The following PCDHA4 variants were observed in gnomAD, a reference collection of about 807,000 sequenced individuals.
PCDHA4 encodes the protein protocadherin alpha 4.
Under a neutral mutation model 61.4 loss-of-function variants are expected in PCDHA4, and 49 were observed. That is an observed-to-expected ratio of 0.80 (90% confidence interval 0.63 to 1.01). The LOEUF is 1.01. Among genes scored for constraint, PCDHA4 ranks in the 50% least tolerant of loss-of-function variants. The pLI, the probability that PCDHA4 is intolerant of heterozygous loss-of-function variation, is 0.00. For synonymous variants in PCDHA4, 590 were observed against 550.3 expected (o/e 1.07, Z -1.01); for missense variants, 1,254 against 1,235.8 (o/e 1.01, Z -0.22).
chr5:140,968,637 T>C, intron 1 of PCDHA4: 1 of 1,614,208 alleles, frequency 6.2e-7, no homozygotes. Flanking sequence ...TTTTACCATC[T>C]AGCCCAGACT....
intron 1 of PCDHA4, among the ~76,000 whole-genome samples, chr5:140,903,428 T>C (rs954463543): frequency 2.0e-5 from 3 of 152,210 alleles, no homozygotes; most frequent in Non-Finnish European, 4.4e-5. Flanking sequence ...CAGCACAATA[T>C]GTATCAGTGG....
At chr5:140,961,984 C>T (rs1037951528) in intron 1 of PCDHA4, among the ~76,000 whole-genome samples, 69 of 151,884 alleles carry the variant, frequency 4.5e-4, no homozygotes, top group African/African-American at 1.5e-3. Context: ...CCTGGGTTCA[C>T]GCCATTGTCC....
chr5:140,808,301 A>G lies in PCDHA4; in HGVS notation c.1114A>G (p.Ile372Val), dbSNP rs782259868. 1.2e-6 allele frequency: 2 copies of G among 1,614,240 alleles called. No homozygotes were observed. The highest frequency in any genetic ancestry group is 2.2e-5 in the South Asian group (2 of 91,090). Reference sequence around the variant, plus strand: ...TCCACTGGGTACAGTCATCGCCCTGATCAGCGTGTCCGACAAAGACATGGG... The same window carrying G: ...TCCACTGGGTACAGTCATCGCCCTGGTCAGCGTGTCCGACAAAGACATGGG... ...DAPLGTVIAL[I>V]SVSDKDMGVN... is the part of the protein sequence containing the mutation. Residue 372 changes from isoleucine (I) to valine (V), a missense_variant, in exon 1 of 4, where the codon ATC (isoleucine) becomes GTC (valine). Transcript: ENST00000530339.
intron 1 of PCDHA4, among the ~76,000 whole-genome samples, chr5:140,846,079 G>A (rs1024607553): frequency 1.3e-5 from 2 of 149,824 alleles, no homozygotes; most frequent in South Asian, 2.1e-4. Flanking sequence ...TTTTGGAAAG[G>A]TTAAAGTCCT....
At chr5:140,943,630 T>C (rs1224015760) in intron 1 of PCDHA4, among the ~76,000 whole-genome samples, 1 of 152,130 alleles carries the variant, frequency 6.6e-6, no homozygotes, top group Non-Finnish European at 1.5e-5. Flanking sequence ...ATAAGGAAGC[T>C]GGATTATGGA....
At chr5:140,830,240 C>T (rs2150183319) in intron 1 of PCDHA4, 2 of 1,613,944 alleles carry the variant, frequency 1.2e-6, no homozygotes, top group Non-Finnish European at 1.7e-6. Flanking sequence ...CACGCTACTG[C>T]TGTACACAGC....
chr5:140,866,808 G>C (rs995846650), intron 1 of PCDHA4: 1 of 152,114 alleles, frequency 6.6e-6, no homozygotes, highest in East Asian at 1.9e-4. Context: ...CAGGCACAAA[G>C]TTCCTTAATC....
At chr5:140,853,680 C>CTATCCTTAGACCTGCTAACGCATTAGCAT in intron 1 of PCDHA4, 1 of 988,078 alleles carries the variant, frequency 1.0e-6, no homozygotes, top group South Asian at 4.7e-5. Context: ...TATGGTCAAC[C>CTATCCTTAGACCTGCTAACGCATTAGCAT]TATCCTTAGA....
intron 1 of PCDHA4, chr5:140,884,134 C>A: frequency 6.2e-6 from 10 of 1,613,442 alleles, no homozygotes; most frequent in Non-Finnish European, 7.6e-6. Context: ...GCATCCCGTT[C>A]CGCGTGGGGC....
intron 1 of PCDHA4, among the ~76,000 whole-genome samples, chr5:140,943,089 T>C (rs2093417033): frequency 6.6e-6 from 1 of 151,612 alleles, no homozygotes; most frequent in African/African-American, 2.4e-5. Flanking sequence ...AAATCCTGCC[T>C]CTACTAAAAA....
intron 1 of PCDHA4, among the ~76,000 whole-genome samples, chr5:140,960,218 A>G (rs2095532618): frequency 6.6e-6 from 1 of 152,206 alleles, no homozygotes; most frequent in Non-Finnish European, 1.5e-5. Flanking sequence ...CAGGATCTCA[A>G]GAAACAGAGC....
At chr5:140,945,125 T>G (rs405192) in intron 1 of PCDHA4, among the ~76,000 whole-genome samples, 86,337 of 151,830 alleles carry the variant, frequency 0.57, 25,231 homozygotes, top group African/African-American at 0.71. Flanking sequence ...AAAAATCAAC[T>G]TACAAAAATC....
chr5:140,834,789 A>G lies in PCDHA4; in HGVS notation c.2385+25217A>G, dbSNP rs1164245907. 4 of 1,613,586 alleles carry G rather than the reference A, an allele frequency of 2.5e-6. No homozygotes were observed. The African/African-American group carries it at 5.3e-5, about 22-fold the overall frequency. Reference sequence around the variant, plus strand: ...CGACAACCCTCCGGTGTTCCCAGCGACACAAAGGAATCTGTTCATCGCGGA... The same window carrying G: ...CGACAACCCTCCGGTGTTCCCAGCGGCACAAAGGAATCTGTTCATCGCGGA... On this transcript the variant is annotated intron_variant, in intron 1 of 3. Coordinates refer to ENST00000530339, the MANE Select transcript of PCDHA4 (RefSeq NM_018907.4).
chr5:141,004,178 T>G (rs527276653), intron 3 of PCDHA4, among the ~76,000 whole-genome samples: 2 of 152,372 alleles, frequency 1.3e-5, no homozygotes, highest in South Asian at 2.1e-4. Flanking sequence ...CCAAGTGTCT[T>G]GAGTGCTCTT....
At chr5:140,822,545 G>A in intron 1 of PCDHA4, 1 of 1,613,682 alleles carries the variant, frequency 6.2e-7, no homozygotes. Context: ...GCACCAAGTG[G>A]GACATTAGTT....
rs1417036031 is a variant in PCDHA4, at chr5:140,855,830, G to A, written c.2385+46258G>A. On this transcript the variant is annotated intron_variant, in intron 1 of 3. Coordinates refer to ENST00000530339, the MANE Select transcript of PCDHA4 (RefSeq NM_018907.4). Reference sequence around the variant, plus strand: ...AGAAAAGTTGTGAACTCATGGAATCGTACTTACACCTAAAGCCACCGGATG... The same window carrying A: ...AGAAAAGTTGTGAACTCATGGAATCATACTTACACCTAAAGCCACCGGATG... The A allele has an allele frequency of 5.8e-5, 33 of 567,192 alleles. 2 individuals carry two copies. Among genetic ancestry groups the A allele is most frequent in the Non-Finnish European group, 9.5e-5 (31 of 325,120 alleles). The allele number at this position is 567,192 out of a possible 1,614,324, so 35.1% of individuals were successfully genotyped here.
chr5:140,954,442 G>C (rs2095039188), intron 1 of PCDHA4, among the ~76,000 whole-genome samples: 1 of 151,940 alleles, frequency 6.6e-6, no homozygotes, highest in South Asian at 2.1e-4. Flanking sequence ...GTTGTTTCTG[G>C]ACTTGTTAAT....
chr5:140,908,490 G>A (rs149646315), intron 1 of PCDHA4, among the ~76,000 whole-genome samples: 2 of 152,140 alleles, frequency 1.3e-5, no homozygotes, highest in Admixed American at 6.5e-5. Context: ...GGCAGTTCAG[G>A]TTGCTTGGTG....
Position 141,010,239 on chromosome 5 carries a change from G to A in PCDHA4, c.*302G>A. ...AGGCTTCCCAGCCCCGCCAGTGAGA[G>A]GTTGGACTCTCTGCCCTGTGCTCCG... On this transcript the variant is annotated 3_prime_UTR_variant, in exon 4 of 4. Transcript: ENST00000530339. 1 of 1,551,938 alleles carries A rather than the reference G, an allele frequency of 6.4e-7. No homozygotes were observed. Among genetic ancestry groups the A allele is most frequent in the Non-Finnish European group, 8.7e-7 (1 of 1,147,044 alleles).
Sources: allele counts gnomAD v4.1 joint callset (sites outside exome capture counted in the v4.1 genomes callset), GRCh38; gene constraint gnomAD v4.1.1; transcripts MANE v1.5; gene names NCBI Gene and HGNC (gene_info 2026-07-23, HGNC 2026-07-21).